CDH12: variants seen among roughly 807,000 people sequenced by gnomAD.
CDH12 encodes the protein cadherin 12, also known as cadherin-12.
A neutral mutation model predicts 74.1 loss-of-function variants in CDH12; 41 were observed. The observed-to-expected ratio is 0.55, with a 90% CI of 0.43 to 0.72. CDH12 has a LOEUF of 0.72. Among genes scored for constraint, CDH12 ranks in the 30% least tolerant of loss-of-function variants. The probability of loss-of-function intolerance (pLI) is 0.00; values close to 1 mark genes in which losing one functional copy is unlikely to be tolerated. For missense variants in CDH12, 945 were observed against 977.2 expected (o/e 0.97, Z 0.44); for synonymous variants, 399 against 355.0 (o/e 1.12, Z -1.39).
chr5:22,149,751 C>A (rs552571172), intron 4 of CDH12, among the ~76,000 whole-genome samples: 5 of 151,950 alleles, frequency 3.3e-5, no homozygotes, highest in Admixed American at 3.3e-4. Context: ...GGATTACAGG[C>A]GTGAGCCACC....
chr5:22,001,838 T>C (rs1736623263), intron 5 of CDH12, among the ~76,000 whole-genome samples: 2 of 152,084 alleles, frequency 1.3e-5, no homozygotes, highest in South Asian at 4.1e-4. Context: ...ACATGTTTGA[T>C]TGAGAAATTA....
At chr5:21,794,908 C>T (rs1206387913) in intron 10 of CDH12, among the ~76,000 whole-genome samples, 1 of 151,392 alleles carries the variant, frequency 6.6e-6, no homozygotes. Context: ...TCTCATTTTA[C>T]ATTTTATTAT....
intron 6 of CDH12, among the ~76,000 whole-genome samples, chr5:21,950,833 T>G (rs1755828188): frequency 6.6e-6 from 1 of 150,490 alleles, no homozygotes; most frequent in Non-Finnish European, 1.5e-5. Flanking sequence ...TCACCCAGGC[T>G]GGAGTGCAGT....
intron 1 of CDH12, among the ~76,000 whole-genome samples, chr5:22,586,750 C>A (rs1277033424): frequency 6.6e-6 from 1 of 151,370 alleles, no homozygotes; most frequent in East Asian, 1.9e-4. Flanking sequence ...CTGTGTTTGT[C>A]CATTTGGAGG....
At chr5:22,751,055 G>A (rs1745545813) in intron 1 of CDH12, among the ~76,000 whole-genome samples, 2 of 151,804 alleles carry the variant, frequency 1.3e-5, no homozygotes, top group Non-Finnish European at 2.9e-5. Flanking sequence ...ACTTACTGAG[G>A]TACTGAGAAC....
At chr5:22,812,594 T>A (rs1209385299) in intron 1 of CDH12, among the ~76,000 whole-genome samples, 1 of 152,082 alleles carries the variant, frequency 6.6e-6, no homozygotes, top group African/African-American at 2.4e-5. Flanking sequence ...AAAAAGTAGG[T>A]CTTAGAAATC....
intron 4 of CDH12, among the ~76,000 whole-genome samples, chr5:22,168,112 T>A (rs1748794192): frequency 6.6e-6 from 1 of 152,160 alleles, no homozygotes; most frequent in Admixed American, 6.5e-5. Flanking sequence ...CTTTTCTCTT[T>A]GATTCACTGT....
chr5:22,289,914 T>C (rs1311988892), intron 3 of CDH12, among the ~76,000 whole-genome samples: 1 of 152,000 alleles, frequency 6.6e-6, no homozygotes, highest in Non-Finnish European at 1.5e-5. Context: ...CAGGTATGCA[T>C]GGAGGATTCA....
In CDH12 at chr5:22,845,818, G is replaced by A. The variant is rs1737276370; in HGVS notation, c.-523+7240C>T. On this transcript the variant is annotated intron_variant, in intron 1 of 14. Coordinates refer to ENST00000382254, the MANE Select transcript of CDH12 (RefSeq NM_004061.5). Reference sequence around the variant, plus strand: ...GGTTTTAAGCCATGGGAAGTACTTTGATACTATATCGGAGAGTGTACATCT... The same window carrying A: ...GGTTTTAAGCCATGGGAAGTACTTTAATACTATATCGGAGAGTGTACATCT... Among the ~76,000 whole-genome samples, 2 of 152,164 alleles carry A rather than the reference G, an allele frequency of 1.3e-5. 1 individual carries two copies. Among genetic ancestry groups the A allele is most frequent in the South Asian group, 4.1e-4 (2 of 4,832 alleles).
chr5:22,847,467 A>T (rs1048589821), intron 1 of CDH12, among the ~76,000 whole-genome samples: 11 of 152,182 alleles, frequency 7.2e-5, no homozygotes, highest in Non-Finnish European at 4.4e-5. Flanking sequence ...TTTACTCAGA[A>T]ATCGTCTTAA....
chr5:22,687,020 GTGCGGTGGCTCA>G (rs1741833609), intron 1 of CDH12, among the ~76,000 whole-genome samples: 3 of 152,328 alleles, frequency 2.0e-5, no homozygotes, highest in African/African-American at 4.8e-5. Context: ...AATGGGCCAG[GTGCGGTGGCTCA>G]TGCCTGTAAT....
intron 1 of CDH12, among the ~76,000 whole-genome samples, chr5:22,835,426 T>C (rs1381419149): frequency 6.6e-6 from 1 of 152,184 alleles, no homozygotes; most frequent in Non-Finnish European, 1.5e-5. Context: ...ACCATTTTCT[T>C]GGGCAGTTAA....
At chr5:21,926,589 A>G (rs1754593371) in intron 6 of CDH12, among the ~76,000 whole-genome samples, 1 of 152,226 alleles carries the variant, frequency 6.6e-6, no homozygotes, top group Non-Finnish European at 1.5e-5. Context: ...TCTTGAGAAC[A>G]GGACTATAAA....
Position 21,751,819 on chromosome 5 carries a change from A to T in CDH12, c.2303T>A (p.Leu768Gln), listed in dbSNP as rs748045303. Reference sequence around the variant, plus strand: ...TTTAAAGCGGGGTCCCCAGTCTGTCAGATAGTCATAGTCCTGGTCGGCTTC... The same window carrying T: ...TTTAAAGCGGGGTCCCCAGTCTGTCTGATAGTCATAGTCCTGGTCGGCTTC... ...TTEADQDYDY[L>Q]TDWGPRFKVL... is the part of the protein sequence containing the mutation. The change falls in exon 15 of 15, where the codon CTG (leucine) becomes CAG (glutamine). Residue 768 changes from leucine (L) to glutamine (Q), a missense_variant. This residue lies in a region of CDH12 where 791 missense variants were observed against 792.8 expected (regional missense o/e 1.00). Transcript: ENST00000382254. 2 of 1,614,090 alleles carry T rather than the reference A, an allele frequency of 1.2e-6. No individual in the cohort carries two copies. The highest frequency in any genetic ancestry group is 3.3e-5 in the Admixed American group (2 of 60,004).
intron 2 of CDH12, among the ~76,000 whole-genome samples, chr5:22,470,224 A>G (rs1027168603): frequency 1.2e-4 from 18 of 152,118 alleles, no homozygotes; most frequent in African/African-American, 4.3e-4. Flanking sequence ...ACATCTTGAG[A>G]ATCAATATTA....
At position 22,610,061 on chromosome 5, in the gene CDH12, C is replaced by T. The variant is rs1254879817; in HGVS notation, c.-522-104697G>A. ...GCTAAACTACAACTGCAAACACTCC[C>T]TATATAGTTGTTCATGTGACTAAGT... On this transcript the variant is annotated intron_variant, in intron 1 of 14. Coordinates refer to ENST00000382254, the MANE Select transcript of CDH12 (RefSeq NM_004061.5). Among the ~76,000 whole-genome samples, 3 of 152,372 alleles carry T rather than the reference C, an allele frequency of 2.0e-5. 1 individual carries two copies. In the South Asian group the frequency reaches 6.2e-4, roughly 32 times the overall value.
At chr5:22,685,563 C>G (rs1025235948) in intron 1 of CDH12, among the ~76,000 whole-genome samples, 4 of 152,198 alleles carry the variant, frequency 2.6e-5, no homozygotes, top group South Asian at 4.1e-4. Flanking sequence ...ATCCACACCT[C>G]CTTTCACTCA....
At chr5:22,832,644 A>G (rs1272794041) in intron 1 of CDH12, among the ~76,000 whole-genome samples, 1 of 152,180 alleles carries the variant, frequency 6.6e-6, no homozygotes, top group East Asian at 1.9e-4. Context: ...TAATTATAAC[A>G]CAGATATTCT....
At chr5:22,838,828 G>A (rs754031610) in intron 1 of CDH12, among the ~76,000 whole-genome samples, 5 of 151,902 alleles carry the variant, frequency 3.3e-5, no homozygotes, top group Admixed American at 6.6e-5. Flanking sequence ...ACAGGCACAC[G>A]CCACAATGCC....
Sources: allele counts gnomAD v4.1 joint callset (sites outside exome capture counted in the v4.1 genomes callset), GRCh38; gene constraint gnomAD v4.1.1; regional missense constraint gnomAD v4.1.1; transcripts MANE v1.5; gene names NCBI Gene and HGNC (gene_info 2026-07-23, HGNC 2026-07-21).